The following TPM3 variants were observed in gnomAD, a reference collection of about 807,000 sequenced individuals.
The protein encoded by TPM3 is tropomyosin alpha-3 chain.
A neutral mutation model predicts 43.1 loss-of-function variants in TPM3; 16 were observed. That is an observed-to-expected ratio of 0.37 (90% confidence interval 0.25 to 0.56). The LOEUF (loss-of-function observed/expected upper bound fraction) is 0.56, where lower values mean the gene tolerates loss of function less well. Ranked by LOEUF, TPM3 falls within the 20% of genes least tolerant of loss-of-function variation. TPM3 has a pLI of 0.77. For missense variants in TPM3, 176 were observed against 337.2 expected, an observed-to-expected ratio of 0.52 and a Z score of 3.74; for synonymous variants, 101 against 116.9, an observed-to-expected ratio of 0.86 and a Z score of 0.88.
chr1:154,165,988 T>C lies in TPM3; in HGVS notation c.*1949A>G, dbSNP rs773549304. ...GCTTTATGTATGTTTTCTCTCCTAG[T>C]AGATTCTAAGCAACTTGAGAGTAGG... On this transcript the variant is annotated 3_prime_UTR_variant, in exon 10 of 10. Coordinates refer to ENST00000651641, the MANE Select transcript of TPM3 (RefSeq NM_152263.4). Among the ~76,000 whole-genome samples the C allele has an allele frequency of 2.6e-5, 4 of 152,098 alleles. No individual in the cohort carries two copies. Among genetic ancestry groups the C allele is most frequent in the Non-Finnish European group, 4.4e-5 (3 of 68,026 alleles).
chr1:154,156,103 G>T (rs545370946), downstream of TPM3: 1 of 172,688 alleles, frequency 5.8e-6, no homozygotes, highest in Non-Finnish European at 1.3e-5. Context: ...ATGGTGGCAG[G>T]TGCCTGTAAT....
intron 6 of TPM3, chr1:154,171,071 T>A: frequency 1.8e-6 from 1 of 540,886 alleles, no homozygotes; most frequent in East Asian, 3.2e-5. Flanking sequence ...AGTGAAGTCA[T>A]CTGTCTTGAT....
chr1:154,181,250 A>C (rs1662908934), intron 2 of TPM3, among the ~76,000 whole-genome samples: 1 of 152,174 alleles, frequency 6.6e-6, no homozygotes, highest in African/African-American at 2.4e-5. Flanking sequence ...ACCACTTATA[A>C]AAATAAGTGA....
At chr1:154,188,212 C>T (rs1198932808) in intron 2 of TPM3, among the ~76,000 whole-genome samples, 1 of 151,564 alleles carries the variant, frequency 6.6e-6, no homozygotes, top group African/African-American at 2.4e-5. Flanking sequence ...CATGCCACCA[C>T]ACCTGGCTAA....
chr1:154,161,737 G>T (rs540185836), downstream of TPM3, among the ~76,000 whole-genome samples: 8 of 151,876 alleles, frequency 5.3e-5, no homozygotes, highest in African/African-American at 1.9e-4. Context: ...GCACCCAGCC[G>T]CGTTATCAGG....
intron 9 of TPM3, among the ~76,000 whole-genome samples, chr1:154,168,389 T>C (rs1661213944): frequency 6.6e-6 from 1 of 152,216 alleles, no homozygotes. Context: ...ATTCTACCTC[T>C]AGCAGTATCC....
At chr1:154,176,381 G>A in intron 2 of TPM3, 133 bp from the exon 3 acceptor site, 1 of 1,272,002 alleles carries the variant, frequency 7.9e-7, no homozygotes, top group Non-Finnish European at 1.1e-6. Context: ...TCTTAGCTCA[G>A]CTGTTAAAAG....
intron 1 of TPM3, 156 bp downstream of exon 1, chr1:154,191,746 T>G: frequency 6.3e-7 from 1 of 1,581,838 alleles, no homozygotes; most frequent in Admixed American, 1.7e-5. Context: ...GAGACAGATA[T>G]GTTAGATATC....
At chr1:154,186,073 A>G (rs894939267) in intron 2 of TPM3, among the ~76,000 whole-genome samples, 2 of 151,640 alleles carry the variant, frequency 1.3e-5, no homozygotes, top group Admixed American at 1.3e-4. Flanking sequence ...AGAAGAAACA[A>G]CTTGGATAGA....
intron 2 of TPM3, chr1:154,187,212 A>C (rs748688111): frequency 5.6e-6 from 4 of 714,626 alleles, no homozygotes; most frequent in Non-Finnish European, 6.8e-6. Flanking sequence ...TTGTGGCCAG[A>C]GAGATAAGAA....
chr1:154,170,266 A>G, intron 8 of TPM3, 134 bp downstream of exon 8: 1 of 942,556 alleles, frequency 1.1e-6, no homozygotes, highest in Non-Finnish European at 1.7e-6. Flanking sequence ...GCTGTGGCAT[A>G]GGACAGTGCA....
chr1:154,168,546 C>A (rs1474020075), intron 9 of TPM3, among the ~76,000 whole-genome samples: 1 of 152,100 alleles, frequency 6.6e-6, no homozygotes, highest in South Asian at 2.1e-4. Context: ...TTTTCTTAGA[C>A]AGTCTTGCTC....
In TPM3 at chr1:154,162,520, T is replaced by A. The variant is rs1186886679; in HGVS notation, c.*5417A>T. On this transcript the variant is annotated 3_prime_UTR_variant, in exon 10 of 10. Transcript: ENST00000651641. ...GCTGCCAAACAGAATAGGTCAGTTG[T>A]ACCTATCAGATAACTTGGGGTTACT... Among the ~76,000 whole-genome samples, 1 of 152,152 alleles carries A rather than the reference T, an allele frequency of 6.6e-6. No homozygotes were observed. Among genetic ancestry groups the A allele is most frequent in the East Asian group, 1.9e-4 (1 of 5,196 alleles).
At chr1:154,174,369 T>TGTAC in intron 3 of TPM3, among the ~76,000 whole-genome samples, 1 of 5,124 alleles carries the variant, frequency 2.0e-4, no homozygotes, top group African/African-American at 3.1e-4. Context: ...AATATATGTG[T>TGTAC]ATATATATAT....
chr1:154,172,798 A>C lies in TPM3; in HGVS notation c.566+110T>G, dbSNP rs116170320. 1,950 of 1,364,814 alleles carry C rather than the reference A, an allele frequency of 1.4e-3. 27 individuals carry two copies. The African/African-American group carries it at 0.024, about 17-fold the overall frequency. 84.5% of individuals were successfully genotyped at this position (1,364,814 alleles called of 1,614,324 possible). ...GCACTATAGATGACTCCCATTCCCT[A>C]GGCCCTGTTTAACAAGGTTGAAGGA... On this transcript the variant is annotated intron_variant, in intron 5 of 9. Coordinates refer to ENST00000651641, the MANE Select transcript of TPM3 (RefSeq NM_152263.4).
downstream of TPM3, among the ~76,000 whole-genome samples, chr1:154,157,874 T>G (rs1382987354): frequency 1.3e-5 from 2 of 152,190 alleles, no homozygotes; most frequent in Non-Finnish European, 2.9e-5. Context: ...TCACCCAGTT[T>G]TGTAGGGCCT....
In TPM3 at chr1:154,165,697, G is replaced by A. The variant is rs561949016; in HGVS notation, c.*2240C>T. ...TCAGCTACTCGGGAGGCTGAGGTGG[G>A]AGAACTGCTTGAACCCAGGAGGCAG... On this transcript the variant is annotated 3_prime_UTR_variant, in exon 10 of 10. Coordinates refer to ENST00000651641, the MANE Select transcript of TPM3 (RefSeq NM_152263.4). Among the ~76,000 whole-genome samples, 5 of 150,444 alleles carry A rather than the reference G, an allele frequency of 3.3e-5. No individual in the cohort carries two copies. In the South Asian group the frequency reaches 8.4e-4, roughly 25 times the overall value.
intron 3 of TPM3, 49 bp from the exon 4 acceptor site, chr1:154,173,250 G>A (rs755805387): frequency 4.4e-5 from 64 of 1,468,442 alleles, no homozygotes; most frequent in African/African-American, 9.7e-5. Context: ...GGAGTGTGTC[G>A]TCAGCTCCAC....
In TPM3 at chr1:154,175,980, A is replaced by C. The variant is rs1040458422; in HGVS notation, c.377+135T>G. 61 of 1,465,536 alleles carry C rather than the reference A, an allele frequency of 4.2e-5. No individual in the cohort carries two copies. In the Admixed American group the frequency reaches 8.5e-4, roughly 20 times the overall value. 90.8% of individuals were successfully genotyped at this position (1,465,536 alleles called of 1,614,324 possible). ...AGCCACCCTCCTGCCTCAGCGTCCC[A>C]AAGTGCTGGGATTACAGGCGTGAGC... On this transcript the variant is annotated intron_variant, in intron 3 of 9. Transcript: ENST00000651641.
Sources: allele counts gnomAD v4.1 joint callset (sites outside exome capture counted in the v4.1 genomes callset), GRCh38; gene constraint gnomAD v4.1.1; transcripts MANE v1.5; gene names NCBI Gene and HGNC (gene_info 2026-07-23, HGNC 2026-07-21).